POLR3G: variants seen among roughly 807,000 people sequenced by gnomAD.
The protein encoded by POLR3G is DNA-directed RNA polymerase III subunit RPC7.
In POLR3G, 28 loss-of-function variants were observed where a neutral mutation model predicts 30.1. The observed-to-expected ratio is 0.93, with a 90% CI of 0.69 to 1.27. The LOEUF is 1.27. Ranked by LOEUF, POLR3G falls within the 50% of genes most tolerant of loss-of-function variation. The pLI, the probability that POLR3G is intolerant of heterozygous loss-of-function variation, is 0.00. For missense variants in POLR3G, 254 were observed against 264.6 expected (o/e 0.96, Z 0.28); for synonymous variants, 79 against 82.5 (o/e 0.96, Z 0.23).
At chr5:90,490,492 G>A in intron 3 of POLR3G, 1 of 261,574 alleles carries the variant, frequency 3.8e-6, no homozygotes, top group Non-Finnish European at 7.6e-6. Context: ...CCAAACTCCT[G>A]GGCTCAAGTG....
intron 1 of POLR3G, among the ~76,000 whole-genome samples, chr5:90,479,591 A>G (rs991256628): frequency 3.3e-5 from 5 of 152,198 alleles, no homozygotes; most frequent in African/African-American, 9.7e-5. Context: ...GTGGCAACAT[A>G]TATCACCTGA....
chr5:90,511,820 T>C (rs763372095), intron 7 of POLR3G, among the ~76,000 whole-genome samples: 1 of 152,202 alleles, frequency 6.6e-6, no homozygotes, highest in South Asian at 2.1e-4. Context: ...AATGTGTTAG[T>C]AGCTATATTA....
chr5:90,507,290 G>T (rs1222053131), intron 7 of POLR3G, among the ~76,000 whole-genome samples: 1 of 152,136 alleles, frequency 6.6e-6, no homozygotes, highest in Non-Finnish European at 1.5e-5. Context: ...ACCCTAGGTG[G>T]AGAGTTTCTT....
chr5:90,501,483 A>G (rs1752243357), intron 5 of POLR3G, among the ~76,000 whole-genome samples: 1 of 152,158 alleles, frequency 6.6e-6, no homozygotes, highest in Non-Finnish European at 1.5e-5. Flanking sequence ...TTTATTTTAC[A>G]CACCTGCTAA....
intron 3 of POLR3G, chr5:90,490,571 ATTTTT>A (rs10686849): frequency 9.9e-5 from 31 of 314,478 alleles, no homozygotes; most frequent in East Asian, 3.1e-4. Context: ...CTAACTTTTA[ATTTTT>A]TTTTTTTTTT....
intron 1 of POLR3G, among the ~76,000 whole-genome samples, chr5:90,478,948 T>C (rs1431505094): frequency 6.6e-6 from 1 of 152,020 alleles, no homozygotes. Context: ...TCCTGGGTTT[T>C]CTTTTCTTTA....
At chr5:90,476,084 TAAAG>T (rs1236208508) in intron 1 of POLR3G, among the ~76,000 whole-genome samples, 1 of 152,162 alleles carries the variant, frequency 6.6e-6, no homozygotes, top group African/African-American at 2.4e-5. Context: ...GGAAAAATGA[TAAAG>T]AGACTCATGA....
intron 1 of POLR3G, among the ~76,000 whole-genome samples, chr5:90,477,066 G>C (rs187798170): frequency 3.9e-5 from 6 of 152,280 alleles, no homozygotes; most frequent in South Asian, 2.1e-4. Context: ...AGGCTCCCTG[G>C]GAGACAGATA....
intron 6 of POLR3G, among the ~76,000 whole-genome samples, chr5:90,502,846 TATTTA>T (rs988697282): frequency 2.0e-5 from 3 of 151,882 alleles, no homozygotes; most frequent in Non-Finnish European, 2.9e-5. Flanking sequence ...AACTGTAATT[TATTTA>T]ATTAATATCC....
chr5:90,474,362 G>C (rs1716105183), upstream of POLR3G: 2 of 1,404,624 alleles, frequency 1.4e-6, no homozygotes, highest in Non-Finnish European at 2.0e-6. Context: ...TCCACACACA[G>C]GGCACTGCGG....
chr5:90,509,928 C>T (rs1752656270), intron 7 of POLR3G, among the ~76,000 whole-genome samples: 1 of 152,034 alleles, frequency 6.6e-6, no homozygotes, highest in Non-Finnish European at 1.5e-5. Context: ...TTTTAGAAAG[C>T]TCAGTTGCTT....
chr5:90,495,836 T>A lies in POLR3G; in HGVS notation c.304+103T>A, dbSNP rs375376677. On this transcript the variant is annotated intron_variant, in intron 4 of 7. Coordinates refer to ENST00000651687, the MANE Select transcript of POLR3G (RefSeq NM_006467.3). ...TTTTCTATTTTTACCATAGGAAAAC[T>A]GAGTCTGGTTCTTTTATTGTGATTA... The A allele has an allele frequency of 1.5e-4, 214 of 1,383,388 alleles. 2 individuals carry two copies. The Middle Eastern group carries it at 3.6e-3, about 23-fold the overall frequency. 85.7% of individuals were successfully genotyped at this position (1,383,388 alleles called of 1,614,324 possible). A position where few individuals can be genotyped will look rare whatever the true frequency, so the allele number is the denominator to read the frequency against.
chr5:90,500,656 A>T (rs1172106240), intron 5 of POLR3G, among the ~76,000 whole-genome samples: 1 of 152,126 alleles, frequency 6.6e-6, no homozygotes, highest in Non-Finnish European at 1.5e-5. Flanking sequence ...TTGTTTGAGA[A>T]ACCTCACTAA....
rs746837875 is a variant in POLR3G at position 90,506,656 on chromosome 5, TGAA to T, written c.573_575del (p.Glu192del). On this transcript the variant is annotated inframe_deletion, in exon 7 of 8. Transcript: ENST00000651687. The stretch of plus-strand genomic sequence containing the variant: ...ATGCCGCAGAACAGGAGGAATATGA[TGAA>T]GAAGAGCAAGAAGAGGTAATGGTTC... 33 of 1,608,444 alleles carry T rather than the reference TGAA, an allele frequency of 2.1e-5. No homozygotes were observed. The highest frequency in any genetic ancestry group is 1.1e-4 in the East Asian group (5 of 44,802).
intron 7 of POLR3G, among the ~76,000 whole-genome samples, chr5:90,511,053 G>A (rs749111524): frequency 3.9e-5 from 6 of 152,046 alleles, no homozygotes; most frequent in Non-Finnish European, 5.9e-5. Context: ...TTATCACTCA[G>A]CTTTAACAAT....
Position 90,513,956 on chromosome 5 carries a change from T to C in POLR3G, c.*1817T>C, listed in dbSNP as rs1453869469. 1 of 152,222 alleles carries C rather than the reference T, an allele frequency of 6.6e-6. No homozygotes were observed. The highest frequency in any genetic ancestry group is 2.4e-5 in the African/African-American group (1 of 41,456). The allele number at this position is 152,222 out of a possible 1,614,324, so 9.4% of individuals were successfully genotyped here. A position where few individuals can be genotyped will look rare whatever the true frequency, so the allele number is the denominator to read the frequency against. On this transcript the variant is annotated 3_prime_UTR_variant, in exon 8 of 8. Transcript: ENST00000651687. ...CAATATTGTTCTATTTACCTACTTA[T>C]AAATCTGCAGATAACCACTTGAACC... is the stretch of plus-strand genomic sequence containing the variant.
intron 1 of POLR3G, among the ~76,000 whole-genome samples, chr5:90,476,002 C>T (rs1166965876): frequency 6.6e-6 from 1 of 152,208 alleles, no homozygotes; most frequent in African/African-American, 2.4e-5. Context: ...TGAGCCACTA[C>T]ACCCGGCCAG....
intron 3 of POLR3G, among the ~76,000 whole-genome samples, chr5:90,493,827 T>G (rs1222966320): frequency 1.3e-5 from 2 of 150,756 alleles, no homozygotes; most frequent in Non-Finnish European, 3.0e-5. Flanking sequence ...CTTGCCGCAG[T>G]CTCCCAAGTA....
intron 1 of POLR3G, among the ~76,000 whole-genome samples, chr5:90,480,883 T>TAA (rs1054873778): frequency 6.6e-6 from 1 of 152,308 alleles, no homozygotes; most frequent in East Asian, 1.9e-4. Flanking sequence ...ACTTGGGAGA[T>TAA]ACGCTTTCTC....
Sources: gnomAD v4.1 joint callset for allele counts (sites outside exome capture counted in the v4.1 genomes callset) on GRCh38, gnomAD v4.1.1 for gene constraint, MANE v1.5 for transcripts, NCBI Gene and HGNC (gene_info 2026-07-23, HGNC 2026-07-21) for gene names.